Variants in KCNE1 observed in about 807,000 individuals in gnomAD.
KCNE1 encodes the protein potassium voltage-gated channel subfamily E regulatory subunit 1, also known as potassium voltage-gated channel subfamily E member 1.
In KCNE1, 1 loss-of-function variant was observed where a neutral mutation model predicts 2.9. The ratio of observed to expected loss-of-function variants is 0.34; its 90% CI spans 0.12 to 1.62. The LOEUF (loss-of-function observed/expected upper bound fraction) is 1.62, where lower values mean the gene tolerates loss of function less well. KCNE1 is among the 40% of genes most tolerant of loss of function. KCNE1 has a pLI of 0.36. For missense variants in KCNE1, 45 were observed against 150.5 expected, an observed-to-expected ratio of 0.30 and a Z score of 3.67; for synonymous variants, 23 against 65.4, an observed-to-expected ratio of 0.35 and a Z score of 3.13.
intron 1 of KCNE1, 145 bp downstream of exon 1, chr21:34,511,880 GAC>G (rs1249212581): frequency 1.3e-5 from 2 of 152,248 alleles, no homozygotes; most frequent in African/African-American, 4.8e-5. Flanking sequence ...GGGGGGTTCA[GAC>G]ACACTTAAGC....
chr21:34,495,643 A>T (rs1982759406), intron 2 of KCNE1, among the ~76,000 whole-genome samples: 1 of 144,448 alleles, frequency 6.9e-6, no homozygotes, highest in Non-Finnish European at 1.5e-5. Context: ...CCATTCTTCT[A>T]CATTTTCTAG....
chr21:34,505,497 C>T (rs1178888331), intron 2 of KCNE1, among the ~76,000 whole-genome samples: 4 of 151,772 alleles, frequency 2.6e-5, no homozygotes, highest in African/African-American at 4.8e-5. Context: ...ACCTGGGAGG[C>T]GTGGACCAAA....
At chr21:34,510,084 G>A (rs1456538001) in intron 2 of KCNE1, 1 of 152,260 alleles carries the variant, frequency 6.6e-6, no homozygotes, top group Non-Finnish European at 1.5e-5. Context: ...GTTGTAGGCA[G>A]AGAGGGTTGT....
At chr21:34,502,527 TTAC>T (rs1983228845) in intron 2 of KCNE1, among the ~76,000 whole-genome samples, 1 of 152,212 alleles carries the variant, frequency 6.6e-6, no homozygotes, top group Admixed American at 6.5e-5. Context: ...GGGTGTGGAC[TTAC>T]GTTAGAGCCC....
chr21:34,501,884 G>A (rs1243224190), intron 2 of KCNE1, among the ~76,000 whole-genome samples: 2 of 152,180 alleles, frequency 1.3e-5, no homozygotes, highest in Non-Finnish European at 2.9e-5. Flanking sequence ...GTGCACCTCA[G>A]CTACACTCTG....
intron 2 of KCNE1, among the ~76,000 whole-genome samples, chr21:34,496,037 G>A (rs117113608): frequency 0.011 from 1,680 of 151,980 alleles, 54 homozygotes; most frequent in East Asian, 0.1. Context: ...ATTTTTCTTA[G>A]CACTGCTTTT....
At chr21:34,497,983 T>C (rs1237216315) in intron 2 of KCNE1, among the ~76,000 whole-genome samples, 1 of 152,196 alleles carries the variant, frequency 6.6e-6, no homozygotes, top group Non-Finnish European at 1.5e-5. Flanking sequence ...TTGTTGACAC[T>C]TTCCAGTGCA....
intron 2 of KCNE1, among the ~76,000 whole-genome samples, chr21:34,496,562 TG>T (rs199877352): frequency 0.026 from 3,934 of 152,084 alleles, 140 homozygotes; most frequent in African/African-American, 0.077. Context: ...TTTATTGAGA[TG>T]TTTTTTGTGG....
intron 2 of KCNE1, among the ~76,000 whole-genome samples, chr21:34,500,847 A>G (rs1220851433): frequency 6.6e-6 from 1 of 152,168 alleles, no homozygotes; most frequent in Non-Finnish European, 1.5e-5. Flanking sequence ...GCACTTCACT[A>G]TGTGACTCTA....
chr21:34,505,745 A>T (rs1468641865), intron 2 of KCNE1, among the ~76,000 whole-genome samples: 1 of 152,178 alleles, frequency 6.6e-6, no homozygotes, highest in Non-Finnish European at 1.5e-5. Flanking sequence ...AGATTTCTAC[A>T]CTTGATCCCC....
chr21:34,502,893 T>A (rs973477580), intron 2 of KCNE1, among the ~76,000 whole-genome samples: 1 of 152,256 alleles, frequency 6.6e-6, no homozygotes, highest in African/African-American at 2.4e-5. Context: ...CTATTAGAGA[T>A]AGCATAAGCC....
At chr21:34,511,925 AC>A (rs1239280166) in intron 1 of KCNE1, 101 bp downstream of exon 1, 1 of 152,294 alleles carries the variant, frequency 6.6e-6, no homozygotes, top group Non-Finnish European at 1.5e-5. Flanking sequence ...CCTCAAGGTG[AC>A]CTTGCCGCAT....
chr21:34,511,192 T>C lies in KCNE1; in HGVS notation c.-253A>G, dbSNP rs41315471. The C allele has an allele frequency of 6.6e-3, 6,517 of 985,752 alleles. 202 individuals carry two copies. In the African/African-American group the frequency reaches 0.076, roughly 11 times the overall value. 61.1% of individuals were successfully genotyped at this position (985,752 alleles called of 1,614,324 possible). ...CTCTTCAGGTGGTCTTAGGAACTTC[T>C]CAGAACTTTTTGAGTTATCCTTCTG... On this transcript the variant is annotated 5_prime_UTR_variant, in exon 2 of 4. Transcript: ENST00000399286.
intron 2 of KCNE1, among the ~76,000 whole-genome samples, chr21:34,497,750 A>T (rs1982902685): frequency 6.6e-6 from 1 of 152,148 alleles, no homozygotes; most frequent in Non-Finnish European, 1.5e-5. Context: ...AGTTTTCCTC[A>T]ATTGTTCCCT....
At position 34,511,098 on chromosome 21, in the gene KCNE1, T is replaced by G. The variant is rs1423255275; in HGVS notation, c.-162+3A>C. 2 of 979,654 alleles carry G rather than the reference T, an allele frequency of 2.0e-6. No homozygotes were observed. Among genetic ancestry groups the G allele is most frequent in the East Asian group, 1.1e-4 (1 of 8,806 alleles). The allele number at this position is 979,654 out of a possible 1,614,324, so 60.7% of individuals were successfully genotyped here. A position where few individuals can be genotyped will look rare whatever the true frequency, so the allele number is the denominator to read the frequency against. ...AAGGGTCTGTGCAACCCCCTTCTCC[T>G]ACCAGTTCTCGTTTCTGAAGTCTCC... On this transcript the variant is annotated splice_donor_region_variant and intron_variant, in intron 2 of 3. Coordinates refer to ENST00000399286, the MANE Select transcript of KCNE1 (RefSeq NM_000219.6).
chr21:34,508,038 T>A (rs550080605), intron 2 of KCNE1, among the ~76,000 whole-genome samples: 1 of 152,288 alleles, frequency 6.6e-6, no homozygotes, highest in East Asian at 1.9e-4. Context: ...GGGTTCTTTT[T>A]TTTTTTGAGA....
At chr21:34,499,773 G>C (rs1190851633) in intron 2 of KCNE1, among the ~76,000 whole-genome samples, 1 of 152,142 alleles carries the variant, frequency 6.6e-6, no homozygotes, top group African/African-American at 2.4e-5. Context: ...ACAGTTTTTT[G>C]CCTGTCTTGT....
chr21:34,504,730 A>G (rs564175545), intron 2 of KCNE1, among the ~76,000 whole-genome samples: 1 of 152,376 alleles, frequency 6.6e-6, no homozygotes, highest in African/African-American at 2.4e-5. Context: ...AAAGGGATGA[A>G]GTACTTATAC....
rs17173508 is a variant in KCNE1 at position 34,449,473 on chromosome 21, G to A, written c.162C>T (p.Phe54=). 1.1e-4 allele frequency: 136 copies of A among 1,204,316 alleles called. 4 individuals carry two copies. In the East Asian group the frequency reaches 1.5e-3, roughly 13 times the overall value. 74.6% of individuals were successfully genotyped at this position (1,204,316 alleles called of 1,614,324 possible). Residue 54 remains phenylalanine, a synonymous_variant, in exon 4 of 4, where the codon TTC becomes TTT. Transcript: ENST00000399286. ...ALYVLMVLGF[F]GFFTLGIMLS... ...GCATGATGCCCAGGGTGAAGAAGCC[G>A]AAGAATCCCAGTACCATGAGGACGT...
Sources: allele counts gnomAD v4.1 joint callset (sites outside exome capture counted in the v4.1 genomes callset), GRCh38; gene constraint gnomAD v4.1.1; transcripts MANE v1.5; gene names NCBI Gene and HGNC (gene_info 2026-07-23, HGNC 2026-07-21).